The following MUC17 variants were observed in gnomAD, a reference collection of about 807,000 sequenced individuals.
MUC17 encodes the protein mucin 17, cell surface associated.
A neutral mutation model predicts 170.3 loss-of-function variants in MUC17; 190 were observed. That is an observed-to-expected ratio of 1.12 (90% CI 0.99 to 1.26). MUC17 has a LOEUF of 1.26. MUC17 is among the 50% of genes most tolerant of loss of function. The pLI, the probability that MUC17 is intolerant of heterozygous loss-of-function variation, is 0.00. For missense variants in MUC17, 6,415 were observed against 5,530.0 expected, an observed-to-expected ratio of 1.16 and a Z score of -5.08; for synonymous variants, 2,325 against 2,002.5, an observed-to-expected ratio of 1.16 and a Z score of -4.30.
In MUC17 at chr7:101,037,751, C is replaced by A; in HGVS notation, c.6335C>A (p.Thr2112Lys). The change falls in exon 3 of 13, where the codon ACG becomes AAG. Residue 2112 changes from threonine to lysine, a missense_variant. Thr to Lys is a moderately conservative substitution (Grantham distance 78). Transcript: ENST00000306151. ...PLLTSIPLST[T>K]PVASPEASTL... ...CTAACAAGTATACCTCTCAGCACCA[C>A]GCCGGTGGCCAGTCCTGAGGCTAGC... The A allele has an allele frequency of 1.2e-6, 2 of 1,613,782 alleles. No homozygotes were observed. Among genetic ancestry groups the A allele is most frequent in the East Asian group, 2.2e-5 (1 of 44,882 alleles).
intron 4 of MUC17, 132 bp downstream of exon 4, chr7:101,048,247 GT>G: frequency 1.2e-6 from 1 of 824,442 alleles, no homozygotes; most frequent in Non-Finnish European, 1.7e-6. Flanking sequence ...TTTTTGTTTT[GT>G]TTTGTTTTGT....
Position 101,040,469 on chromosome 7 carries a change from T to G in MUC17, c.9053T>G (p.Val3018Gly), listed in dbSNP as rs1794659563. 6.2e-6 allele frequency: 10 copies of G among 1,612,346 alleles called. No homozygotes were observed. The highest frequency in any genetic ancestry group is 8.5e-6 in the Non-Finnish European group (10 of 1,179,258). The change falls in exon 3 of 13, where the codon GTG becomes GGG. Residue 3018 changes from valine to glycine, a missense_variant. Physicochemically the swap from Val to Gly is moderately radical, Grantham distance 109. Coordinates refer to ENST00000306151, the MANE Select transcript of MUC17 (RefSeq NM_001040105.2). ...SRTPADTSTP[V>G]TTSTEASSSP... Reference sequence around the variant, plus strand: ...ACTCCTGCTGACACCAGCACACCTGTGACCACTTCTACTGAAGCCAGTTCC... The same window carrying G: ...ACTCCTGCTGACACCAGCACACCTGGGACCACTTCTACTGAAGCCAGTTCC...
Position 101,053,412 on chromosome 7 carries a change from A to G in MUC17, c.13339A>G (p.Asn4447Asp). The G allele has an allele frequency of 1.2e-6, 2 of 1,614,026 alleles. No homozygotes were observed. The highest frequency in any genetic ancestry group is 2.2e-5 in the East Asian group (1 of 44,872). Residue 4447 changes from asparagine (N) to aspartate (D), a missense_variant, in exon 11 of 13, where the codon AAC (asparagine) becomes GAC (aspartate). Coordinates refer to ENST00000306151, the MANE Select transcript of MUC17 (RefSeq NM_001040105.2). The stretch of plus-strand genomic sequence containing the variant: ...TGGACCAGCTCCTGGGACCTTCCAA[A>G]ACATTGGCTTTGACATCTGCCAAGG... The part of the protein sequence containing the change: ...DSGPAPGTFQ[N>D]IGFDICQDDD...
chr7:101,036,799 G>T lies in MUC17; in HGVS notation c.5383G>T (p.Gly1795Cys). Residue 1795 changes from glycine (G) to cysteine (C), a missense_variant, in exon 3 of 13, where the codon GGT (glycine) becomes TGT (cysteine). Transcript: ENST00000306151. ...EATSSPTTAEGTSIPTSTLSE... is the reference protein window; with the variant it reads ...EATSSPTTAECTSIPTSTLSE... The stretch of plus-strand genomic sequence containing the variant: ...CACTTCGTCTCCTACAACTGCTGAA[G>T]GTACCAGCATACCAACCTCGACTCT... 1 of 1,605,808 alleles carries T rather than the reference G, an allele frequency of 6.2e-7. No homozygotes were observed. The highest frequency in any genetic ancestry group is 2.3e-5 in the East Asian group (1 of 44,366).
Position 101,038,741 on chromosome 7 carries a change from A to T in MUC17, c.7325A>T (p.Glu2442Val). 2.5e-6 allele frequency: 4 copies of T among 1,612,948 alleles called. No individual in the cohort carries two copies. The highest frequency in any genetic ancestry group is 3.4e-6 in the Non-Finnish European group (4 of 1,179,236). The change falls in exon 3 of 13, where the codon GAA (glutamate) becomes GTA (valine). Residue 2442 changes from glutamate to valine, a missense_variant. Coordinates refer to ENST00000306151, the MANE Select transcript of MUC17 (RefSeq NM_001040105.2). ...TEASSSPTTA[E>V]GTSIPTSPPS... ...GCCAGTTCATCTCCTACAACTGCTG[A>T]AGGTACCAGCATACCAACCTCACCT...
rs1360750070 is a variant in MUC17 at position 101,041,168 on chromosome 7, C to G, written c.9752C>G (p.Thr3251Ser). 1 of 1,613,146 alleles carries G rather than the reference C, an allele frequency of 6.2e-7. No homozygotes were observed. The highest frequency in any genetic ancestry group is 8.5e-7 in the Non-Finnish European group (1 of 1,179,792). The change falls in exon 3 of 13, where the codon ACT becomes AGT. Residue 3251 changes from threonine to serine, a missense_variant. Thr to Ser is a moderately conservative substitution (Grantham distance 58). Coordinates refer to ENST00000306151, the MANE Select transcript of MUC17 (RefSeq NM_001040105.2). The part of the protein sequence containing the change: ...ILSTTPVDSN[T>S]PLTTSTEASS... ...TCAACAACTCCTGTTGACTCCAACACTCCTTTGACCACTTCTACTGAAGCC... is the reference window on the plus strand; with the variant it reads ...TCAACAACTCCTGTTGACTCCAACAGTCCTTTGACCACTTCTACTGAAGCC...
At chr7:101,022,598 A>G (rs1794111685) in intron 1 of MUC17, among the ~76,000 whole-genome samples, 1 of 152,126 alleles carries the variant, frequency 6.6e-6, no homozygotes, top group Non-Finnish European at 1.5e-5. Context: ...GCCAAGTTGG[A>G]AGGATCACTT....
Position 101,041,482 on chromosome 7 carries a change from G to A in MUC17, c.10066G>A (p.Glu3356Lys). Residue 3356 changes from glutamate (E) to lysine (K), a missense_variant, in exon 3 of 13, where the codon GAG becomes AAG. Coordinates refer to ENST00000306151, the MANE Select transcript of MUC17 (RefSeq NM_001040105.2). ...SFSTTPVVSS[E>K]ASTLSTTPVD... The stretch of plus-strand genomic sequence containing the variant: ...CAGCACCACGCCAGTGGTCAGTTCT[G>A]AGGCTAGCACCCTTTCCACAACTCC... The A allele has an allele frequency of 6.2e-7, 1 of 1,613,808 alleles. No individual in the cohort carries two copies. Among genetic ancestry groups the A allele is most frequent in the Admixed American group, 1.7e-5 (1 of 59,982 alleles).
rs143785948 is a variant in MUC17 at position 101,049,213 on chromosome 7, G to A, written c.12664-111G>A. ...AAAGAAACCACTCCATTTGATGAGTGTGCTATGATGCTGCGGGACAGGATC... is the reference window on the plus strand; with the variant it reads ...AAAGAAACCACTCCATTTGATGAGTATGCTATGATGCTGCGGGACAGGATC... On this transcript the variant is annotated intron_variant, in intron 5 of 12. Transcript: ENST00000306151. 728 of 1,505,940 alleles carry A rather than the reference G, an allele frequency of 4.8e-4. 2 individuals carry two copies. The Middle Eastern group carries it at 8.7e-3, about 18-fold the overall frequency. 93.3% of individuals were successfully genotyped at this position (1,505,940 alleles called of 1,614,324 possible).
At chr7:101,031,035 G>C in intron 1 of MUC17, 85 bp from the exon 2 acceptor site, 1 of 1,463,032 alleles carries the variant, frequency 6.8e-7, no homozygotes, top group Non-Finnish European at 9.1e-7. Context: ...GGACTTTCCA[G>C]GGCAGGGAGT....
At position 101,037,522 on chromosome 7, in the gene MUC17, A is replaced by C. The variant is rs767170116; in HGVS notation, c.6106A>C (p.Thr2036Pro). ...PTTAGGTSIQTSTPSERTTPL... is the reference protein window; with the variant it reads ...PTTAGGTSIQPSTPSERTTPL... ...AACTGCAGGAGGTACCAGCATACAA[A>C]CCTCAACTCCTAGTGAACGGACCAC... Residue 2036 changes from threonine (T) to proline (P), a missense_variant, in exon 3 of 13, where the codon ACC becomes CCC. Transcript: ENST00000306151. The C allele has an allele frequency of 6.2e-7, 1 of 1,613,692 alleles. No individual in the cohort carries two copies. Among genetic ancestry groups the C allele is most frequent in the Non-Finnish European group, 8.5e-7 (1 of 1,179,836 alleles).
intron 1 of MUC17, among the ~76,000 whole-genome samples, chr7:101,027,113 T>C (rs1426180750): frequency 6.6e-6 from 1 of 152,134 alleles, no homozygotes; most frequent in Non-Finnish European, 1.5e-5. Context: ...AGGATCACTT[T>C]GGACCCAGAG....
At chr7:101,047,952 T>C in intron 3 of MUC17, 32 bp from the exon 4 acceptor site, 2 of 1,544,314 alleles carry the variant, frequency 1.3e-6, no homozygotes, top group South Asian at 1.3e-5. Context: ...ATGGAGGAAC[T>C]TGGAAAGAAA....
Position 101,042,558 on chromosome 7 carries a change from T to C in MUC17, c.11142T>C (p.Leu3714=). Residue 3714 remains leucine, a synonymous_variant, in exon 3 of 13, where the codon CTT becomes CTC. Transcript: ENST00000306151. ...TRVTSSEGST[L]STPSVVTSTP... ...TGACCAGCTCTGAGGGTAGCACCCT[T>C]TCAACACCTTCTGTTGTCACCAGCA... 1 of 1,614,106 alleles carries C rather than the reference T, an allele frequency of 6.2e-7. No homozygotes were observed. The highest frequency in any genetic ancestry group is 8.5e-7 in the Non-Finnish European group (1 of 1,180,016).
rs73402889 is a variant in MUC17, at chr7:101,035,246, G to T, written c.3830G>T (p.Ser1277Ile). The change falls in exon 3 of 13, where the codon AGT becomes ATT. Residue 1277 changes from serine to isoleucine, a missense_variant. By Grantham distance (142) the Ser-to-Ile change is moderately radical. Transcript: ENST00000306151. ...SLPTSTTSEGSTLLTSIPVST... is the reference protein window; with the variant it reads ...SLPTSTTSEGITLLTSIPVST... Reference sequence around the variant, plus strand: ...CCAACCTCAACTACTAGTGAAGGAAGTACTCTATTAACAAGTATACCTGTC... The same window carrying T: ...CCAACCTCAACTACTAGTGAAGGAATTACTCTATTAACAAGTATACCTGTC... 0.056 allele frequency: 81,359 copies of T among 1,452,100 alleles called. No homozygotes were observed. Among genetic ancestry groups the T allele is most frequent in the African/African-American group, 0.13 (8,947 of 67,726 alleles). The allele number at this position is 1,452,100 out of a possible 1,614,324, so 90.0% of individuals were successfully genotyped here.
rs748809838 is a variant in MUC17 at position 101,034,543 on chromosome 7, C to A, written c.3127C>A (p.Pro1043Thr). The A allele has an allele frequency of 1.9e-6, 3 of 1,613,642 alleles. No homozygotes were observed. Among genetic ancestry groups the A allele is most frequent in the East Asian group, 2.2e-5 (1 of 44,842 alleles). The change falls in exon 3 of 13, where the codon CCA (proline) becomes ACA (threonine). Residue 1043 changes from proline (P) to threonine (T), a missense_variant. Pro to Thr is a conservative substitution (Grantham distance 38). Transcript: ENST00000306151. ...CTCAACTCCTAGTGAAGGAAGCACT[C>A]CATTAACACGTATGCCTGTCAGCAC... ...PTSTPSEGST[P>T]LTRMPVSTTM...
At position 101,033,131 on chromosome 7, in the gene MUC17, T is replaced by C. The variant is rs1461645867; in HGVS notation, c.1715T>C (p.Leu572Ser). ...TSTPSEGSTP[L>S]TNMPVSTRLV... is the part of the protein sequence containing the mutation. ...ACTCCTAGTGAAGGAAGCACTCCAT[T>C]AACAAACATGCCTGTCAGCACCAGG... Residue 572 changes from leucine to serine, a missense_variant, in exon 3 of 13, where the codon TTA becomes TCA. Transcript: ENST00000306151. The C allele has an allele frequency of 5.0e-6, 8 of 1,611,728 alleles. No homozygotes were observed. Among genetic ancestry groups the C allele is most frequent in the Non-Finnish European group, 6.8e-6 (8 of 1,178,710 alleles).
intron 1 of MUC17, among the ~76,000 whole-genome samples, chr7:101,022,544 G>C (rs1314875940): frequency 6.6e-6 from 1 of 152,204 alleles, no homozygotes; most frequent in Non-Finnish European, 1.5e-5. Context: ...CTCCTCCCAG[G>C]CCAGGTGCAG....
intron 7 of MUC17, 57 bp downstream of exon 7, chr7:101,050,692 T>C (rs1191707027): frequency 5.1e-6 from 8 of 1,579,742 alleles, no homozygotes; most frequent in Admixed American, 1.8e-5. Flanking sequence ...GGGGCATGAC[T>C]TTCTTAATAG....
Sources: allele counts gnomAD v4.1 joint callset (sites outside exome capture counted in the v4.1 genomes callset), GRCh38; gene constraint gnomAD v4.1.1; transcripts MANE v1.5; gene names NCBI Gene and HGNC (gene_info 2026-07-23, HGNC 2026-07-21).